The following EPS15L1 variants were observed in gnomAD, a reference collection of about 807,000 sequenced individuals.
EPS15L1 encodes the protein epidermal growth factor receptor substrate 15-like 1.
In EPS15L1, 43 loss-of-function variants were observed where a neutral mutation model predicts 117.1. That is an observed-to-expected ratio of 0.37 (90% confidence interval 0.29 to 0.47). The LOEUF (loss-of-function observed/expected upper bound fraction) is 0.47. Ranked by LOEUF, EPS15L1 falls within the 20% of genes least tolerant of loss-of-function variation. The pLI, the probability that EPS15L1 is intolerant of heterozygous loss-of-function variation, is 0.99. For missense variants in EPS15L1, 981 were observed against 1,164.0 expected (o/e 0.84, Z 2.29); for synonymous variants, 459 against 470.5 (o/e 0.98, Z 0.32).
intron 1 of EPS15L1, among the ~76,000 whole-genome samples, chr19:16,451,415 G>C (rs2093141001): frequency 1.3e-5 from 2 of 152,122 alleles, no homozygotes; most frequent in Non-Finnish European, 2.9e-5. Context: ...CAATACCAAA[G>C]GCGTTATTAT....
rs2093342397 is a variant in EPS15L1 at position 16,471,012 on chromosome 19, G to C, written c.33+901C>G. 6.6e-6 allele frequency among the ~76,000 whole-genome samples: 1 copy of C among 152,200 alleles called. No individual in the cohort carries two copies. On this transcript the variant is annotated intron_variant, in intron 1 of 23. Transcript: ENST00000455140. This position sits in a 1 kb window ranked among gnomAD's most constrained non-coding sequence, Gnocchi z 4.8. Reference sequence around the variant, plus strand: ...GAAATCGGGGCTGGAGCCAAGATTTGAACACATGATCTGACCCTGTGTCCT... The same window carrying C: ...GAAATCGGGGCTGGAGCCAAGATTTCAACACATGATCTGACCCTGTGTCCT...
At position 16,386,301 on chromosome 19, in the gene EPS15L1, C is replaced by A; in HGVS notation, c.2104-70G>T. 3 of 1,232,972 alleles carry A rather than the reference C, an allele frequency of 2.4e-6. No homozygotes were observed. The East Asian group carries it at 7.5e-5, about 31-fold the overall frequency. 76.4% of individuals were successfully genotyped at this position (1,232,972 alleles called of 1,614,324 possible). A position where few individuals can be genotyped will look rare whatever the true frequency, so the allele number is the denominator to read the frequency against. On this transcript the variant is annotated intron_variant, in intron 19 of 23. Transcript: ENST00000455140. ...TCCATCACCCATTCATTCAACCAGA[C>A]CTTCCTGACGTCGATGTACAACATC... is the stretch of plus-strand genomic sequence containing the variant.
chr19:16,417,735 T>C, intron 11 of EPS15L1, 98 bp from the exon 12 acceptor site: 1 of 1,212,404 alleles, frequency 8.2e-7, no homozygotes, highest in South Asian at 1.3e-5. Flanking sequence ...AAATTGTCCC[T>C]TTAGTACACA....
At position 16,365,289 on chromosome 19, in the gene EPS15L1, C is replaced by T. The variant is rs1002789927; in HGVS notation, c.2381-3305G>A. Among the ~76,000 whole-genome samples, 2 of 152,214 alleles carry T rather than the reference C, an allele frequency of 1.3e-5. No individual in the cohort carries two copies. The highest frequency in any genetic ancestry group is 4.8e-5 in the African/African-American group (2 of 41,438). Reference sequence around the variant, plus strand: ...AATTGTTCATACGTTCAAGTCCTAACCCCTGTGCCTTAGAATATAACCATA... The same window carrying T: ...AATTGTTCATACGTTCAAGTCCTAATCCCTGTGCCTTAGAATATAACCATA... On this transcript the variant is annotated intron_variant, in intron 22 of 23. Coordinates refer to ENST00000455140, the MANE Select transcript of EPS15L1 (RefSeq NM_001258374.3). This position sits in a 1 kb window ranked among gnomAD's most constrained non-coding sequence, Gnocchi z 4.9.
At chr19:16,417,671 A>T (rs2092772031) in intron 11 of EPS15L1, 34 bp from the exon 12 acceptor site, 2 of 1,578,278 alleles carry the variant, frequency 1.3e-6, no homozygotes, top group Admixed American at 3.3e-5. Flanking sequence ...ATCTCTAATT[A>T]GCAACCTGAC....
intron 1 of EPS15L1, among the ~76,000 whole-genome samples, chr19:16,457,525 G>A (rs1339030205): frequency 6.6e-6 from 1 of 152,140 alleles, no homozygotes; most frequent in Non-Finnish European, 1.5e-5. Context: ...CTCCACCACA[G>A]GAAATACCAG....
intron 16 of EPS15L1, chr19:16,400,511 C>T (rs1468035623): frequency 7.4e-6 from 3 of 407,622 alleles, no homozygotes; most frequent in East Asian, 1.6e-4. Flanking sequence ...CCCCCAACTT[C>T]GACCCACAAG....
chr19:16,361,596 T>A lies in EPS15L1; in HGVS notation c.2586+183A>T, dbSNP rs796216030. 24 of 1,330,054 alleles carry A rather than the reference T, an allele frequency of 1.8e-5. No homozygotes were observed. In the East Asian group the frequency reaches 2.6e-4, roughly 14 times the overall value. 82.4% of individuals were successfully genotyped at this position (1,330,054 alleles called of 1,614,324 possible). ...TCCAAACTGCGGCTCTTTTTTTTTT[T>A]ATTGAGAAACTGTTTTTCTTACAGA... On this transcript the variant is annotated intron_variant, in intron 23 of 23. Transcript: ENST00000455140.
chr19:16,368,490 C>G (rs1044917227), intron 22 of EPS15L1, among the ~76,000 whole-genome samples: 1 of 152,140 alleles, frequency 6.6e-6, no homozygotes, highest in South Asian at 2.1e-4. Context: ...ACACAGACAC[C>G]CACACAACTG....
chr19:16,399,789 T>G (rs772750821), intron 16 of EPS15L1, among the ~76,000 whole-genome samples: 22 of 151,702 alleles, frequency 1.5e-4, no homozygotes, highest in Non-Finnish European at 2.5e-4. Flanking sequence ...CCCAAAGGAC[T>G]GGGATTACAG....
Position 16,464,884 on chromosome 19 carries a change from T to C in EPS15L1, c.33+7029A>G, listed in dbSNP as rs1013837035. 4.0e-5 allele frequency among the ~76,000 whole-genome samples: 6 copies of C among 151,342 alleles called. No homozygotes were observed. The East Asian group carries it at 5.8e-4, about 15-fold the overall frequency. Reference sequence around the variant, plus strand: ...AGATCACAAGGTCAGATCGAGACCATCCTGCCTAACCAGTGAAACCCCGTC... The same window carrying C: ...AGATCACAAGGTCAGATCGAGACCACCCTGCCTAACCAGTGAAACCCCGTC... On this transcript the variant is annotated intron_variant, in intron 1 of 23. Transcript: ENST00000455140.
rs973140586 is a variant in EPS15L1, at chr19:16,405,464, C to T, written c.1267-715G>A. On this transcript the variant is annotated intron_variant, in intron 13 of 23. Transcript: ENST00000455140. The surrounding 1 kb of genome is among the most constrained non-coding windows in gnomAD (Gnocchi z 4.0). ...GTGGGATGGATCCAGATGGTCAGCCCGAGGCTCCAATGCCCCATGATTCCA... is the reference window on the plus strand; with the variant it reads ...GTGGGATGGATCCAGATGGTCAGCCTGAGGCTCCAATGCCCCATGATTCCA... Among the ~76,000 whole-genome samples, 2 of 152,168 alleles carry T rather than the reference C, an allele frequency of 1.3e-5. No homozygotes were observed. Among genetic ancestry groups the T allele is most frequent in the Admixed American group, 6.6e-5 (1 of 15,266 alleles).
chr19:16,470,210 C>T (rs775748366), intron 1 of EPS15L1, among the ~76,000 whole-genome samples: 10 of 151,190 alleles, frequency 6.6e-5, no homozygotes, highest in Non-Finnish European at 1.3e-4. Context: ...GGTGAAACCC[C>T]GTCTCCACTA....
intron 19 of EPS15L1, among the ~76,000 whole-genome samples, chr19:16,391,592 T>C (rs888874566): frequency 2.0e-5 from 3 of 150,456 alleles, no homozygotes; most frequent in Non-Finnish European, 4.4e-5. Context: ...CACTCCATCA[T>C]GAACATCCTC....
chr19:16,416,534 AG>A (rs557059148), intron 12 of EPS15L1, among the ~76,000 whole-genome samples: 296 of 151,698 alleles, frequency 2.0e-3, no homozygotes, highest in Middle Eastern at 6.8e-3. Flanking sequence ...GCTTCCTGGG[AG>A]GGTGAGTGGG....
At chr19:16,447,124 C>G (rs1390009711) in intron 1 of EPS15L1, among the ~76,000 whole-genome samples, 1 of 152,192 alleles carries the variant, frequency 6.6e-6, no homozygotes, top group African/African-American at 2.4e-5. Flanking sequence ...CAGGCCGGCC[C>G]ACATTCTGCG....
rs118044657 is a variant in EPS15L1, at chr19:16,405,946, C to T, written c.1267-1197G>A. ...GCCATGTGGAGCGTGGTGCAAGGGG[C>T]CATCAGGACGCAGGAACTGCAGGGG... On this transcript the variant is annotated intron_variant, in intron 13 of 23. Coordinates refer to ENST00000455140, the MANE Select transcript of EPS15L1 (RefSeq NM_001258374.3). The surrounding 1 kb of genome is among the most constrained non-coding windows in gnomAD (Gnocchi z 4.0). Among the ~76,000 whole-genome samples, 380 of 152,338 alleles carry T rather than the reference C, an allele frequency of 2.5e-3. 1 individual carries two copies. The highest frequency in any genetic ancestry group is 4.6e-3 in the Non-Finnish European group (314 of 68,034).
chr19:16,470,147 C>G (rs1054710525), intron 1 of EPS15L1, among the ~76,000 whole-genome samples: 1 of 152,038 alleles, frequency 6.6e-6, no homozygotes, highest in Non-Finnish European at 1.5e-5. Flanking sequence ...TTTGGGAGGC[C>G]AAGGCGGGTG....
chr19:16,434,768 G>A (rs1229367346), intron 6 of EPS15L1: 1 of 317,482 alleles, frequency 3.1e-6, no homozygotes, highest in African/African-American at 2.1e-5. Flanking sequence ...GCTGCTGCCT[G>A]AGTGTGGCAG....
Sources: gnomAD v4.1 joint callset for allele counts (sites outside exome capture counted in the v4.1 genomes callset) on GRCh38, gnomAD v4.1.1 for gene constraint, Gnocchi (gnomAD v3.1) non-coding constraint, MANE v1.5 for transcripts, NCBI Gene and HGNC (gene_info 2026-07-23, HGNC 2026-07-21) for gene names.